MYT1L: variants seen among roughly 807,000 people sequenced by gnomAD.
MYT1L encodes the protein myelin transcription factor 1 like.
A neutral mutation model predicts 126.7 loss-of-function variants in MYT1L; 12 were observed. The ratio of observed to expected loss-of-function variants is 0.09; its 90% CI spans 0.06 to 0.15. The LOEUF (loss-of-function observed/expected upper bound fraction) is 0.15. Ranked by LOEUF, MYT1L falls within the 10% of genes least tolerant of loss-of-function variation. MYT1L has a pLI of 1.00. For missense variants in MYT1L, 979 were observed against 1,585.2 expected, an observed-to-expected ratio of 0.62 and a Z score of 6.49; for synonymous variants, 541 against 604.2, an observed-to-expected ratio of 0.90 and a Z score of 1.53.
chr2:2,275,051 G>C (rs1057128756), intron 2 of MYT1L, among the ~76,000 whole-genome samples: 1 of 152,188 alleles, frequency 6.6e-6, no homozygotes, highest in Non-Finnish European at 1.5e-5. Flanking sequence ...TAGAGTCAGC[G>C]GGAGCCAGTG....
chr2:2,048,434 T>C (rs1175217188), intron 4 of MYT1L, among the ~76,000 whole-genome samples: 1 of 152,174 alleles, frequency 6.6e-6, no homozygotes, highest in Admixed American at 6.5e-5. Flanking sequence ...AATTCTCTTG[T>C]GGAAAATCCA....
rs549425028 is a variant in MYT1L, at chr2:2,301,626, C to T, written c.-520-17123G>A. 4.0e-4 allele frequency among the ~76,000 whole-genome samples: 60 copies of T among 151,864 alleles called. No individual in the cohort carries two copies. In the Middle Eastern group the frequency reaches 0.01, roughly 26 times the overall value. On this transcript the variant is annotated intron_variant, in intron 1 of 24. Transcript: ENST00000647738. ...GTAGGATCACTTGAGGCCAGGAGTT[C>T]GAGACCAGCCTGGGCATTATAGTGA... is the stretch of plus-strand genomic sequence containing the variant.
intron 8 of MYT1L, among the ~76,000 whole-genome samples, chr2:1,945,143 G>A (rs1410357175): frequency 6.6e-6 from 1 of 152,208 alleles, no homozygotes; most frequent in African/African-American, 2.4e-5. Context: ...GGAGGTGGAG[G>A]TCAGAGTGGA....
At chr2:2,165,070 G>T (rs1259922823) in intron 3 of MYT1L, among the ~76,000 whole-genome samples, 1 of 152,182 alleles carries the variant, frequency 6.6e-6, no homozygotes, top group Non-Finnish European at 1.5e-5. Flanking sequence ...CTGCTGGAAG[G>T]GGGGCCTGCG....
Position 1,889,925 on chromosome 2 carries a change from T to A in MYT1L, c.2284-448A>T, listed in dbSNP as rs2048640071. Among the ~76,000 whole-genome samples the A allele has an allele frequency of 6.6e-6, 1 of 152,234 alleles. No homozygotes were observed. Among genetic ancestry groups the A allele is most frequent in the Non-Finnish European group, 1.5e-5 (1 of 68,040 alleles). ...GCATATACATGTATGTGCATGTGTG[T>A]GTGTGTATAAACACACATATATCAG... On this transcript the variant is annotated intron_variant, in intron 15 of 24. Coordinates refer to ENST00000647738, the MANE Select transcript of MYT1L (RefSeq NM_001303052.2). This position sits in a 1 kb window ranked among gnomAD's most constrained non-coding sequence, Gnocchi z 4.1.
chr2:1,982,778 A>C (rs1267338874), intron 5 of MYT1L, among the ~76,000 whole-genome samples: 2 of 152,086 alleles, frequency 1.3e-5, no homozygotes, highest in Non-Finnish European at 2.9e-5. Flanking sequence ...GGCCAGTCAC[A>C]CTCAGTCATC....
chr2:2,240,914 A>G (rs914338350), intron 2 of MYT1L, among the ~76,000 whole-genome samples: 3 of 152,190 alleles, frequency 2.0e-5, no homozygotes, highest in Admixed American at 6.5e-5. Flanking sequence ...CAGAACCACA[A>G]TCAGAATAAT....
Position 2,317,019 on chromosome 2 carries a change from G to A in MYT1L, c.-521+13948C>T, listed in dbSNP as rs185095381. ...TTTTTAATAGAGACGGAGTTTAACC[G>A]TGTTAGCCAGGATGGCCTCCATCTC... On this transcript the variant is annotated intron_variant, in intron 1 of 24. Transcript: ENST00000647738. Among the ~76,000 whole-genome samples the A allele has an allele frequency of 4.1e-3, 613 of 151,122 alleles. 3 individuals are homozygous for A. Among genetic ancestry groups the A allele is most frequent in the Middle Eastern group, 6.8e-3 (2 of 294 alleles).
At chr2:1,903,811 C>G (rs2050661489) in intron 13 of MYT1L, among the ~76,000 whole-genome samples, 1 of 152,032 alleles carries the variant, frequency 6.6e-6, no homozygotes, top group African/African-American at 2.4e-5. Context: ...TGTACCTTGT[C>G]AAGTACTAGA....
At chr2:1,902,850 G>C in intron 14 of MYT1L, 1 of 544,688 alleles carries the variant, frequency 1.8e-6, no homozygotes, top group Non-Finnish European at 3.3e-6. Flanking sequence ...GCGCTGTCTC[G>C]GAATTATTGA....
intron 11 of MYT1L, among the ~76,000 whole-genome samples, chr2:1,914,580 A>G (rs1238635388): frequency 6.6e-6 from 1 of 152,046 alleles, no homozygotes; most frequent in Non-Finnish European, 1.5e-5. Context: ...CACCTTCCCA[A>G]ACCCTGCAGA....
At chr2:2,120,886 G>A (rs576543348) in intron 3 of MYT1L, among the ~76,000 whole-genome samples, 3 of 151,832 alleles carry the variant, frequency 2.0e-5, no homozygotes, top group South Asian at 2.1e-4. Flanking sequence ...CATTGAGTGC[G>A]CACTGTGTGG....
At chr2:1,855,661 G>C (rs1362891810) in intron 18 of MYT1L, among the ~76,000 whole-genome samples, 1 of 152,096 alleles carries the variant, frequency 6.6e-6, no homozygotes, top group East Asian at 1.9e-4. Flanking sequence ...TAAAACGCTT[G>C]GTTATATATA....
At chr2:1,877,754 C>A (rs916190939) in intron 18 of MYT1L, among the ~76,000 whole-genome samples, 8 of 149,518 alleles carry the variant, frequency 5.4e-5, no homozygotes, top group African/African-American at 2.0e-4. Context: ...GCTCTGAGAC[C>A]AAAAATTGCC....
intron 2 of MYT1L, among the ~76,000 whole-genome samples, chr2:2,179,979 G>C (rs2148620455): frequency 6.6e-6 from 1 of 152,288 alleles, no homozygotes; most frequent in Non-Finnish European, 1.5e-5. Flanking sequence ...AATGATCAAT[G>C]AGGTCATCCT....
intron 3 of MYT1L, among the ~76,000 whole-genome samples, chr2:2,145,060 T>C (rs2084668054): frequency 6.6e-6 from 1 of 152,344 alleles, no homozygotes; most frequent in East Asian, 1.9e-4. Context: ...TGTGCGTGAA[T>C]GCACAAAAAC....
At chr2:1,964,202 T>C (rs2059162242) in intron 8 of MYT1L, among the ~76,000 whole-genome samples, 1 of 152,176 alleles carries the variant, frequency 6.6e-6, no homozygotes, top group South Asian at 2.1e-4. Context: ...GGCAGAGCAG[T>C]TGGAACACAC....
chr2:2,143,284 C>A (rs1316847655), intron 3 of MYT1L, among the ~76,000 whole-genome samples: 1 of 142,338 alleles, frequency 7.0e-6, no homozygotes. Context: ...AGCGAGACTC[C>A]GTCTCAAAAA....
chr2:2,029,425 T>A (rs2065983168), intron 4 of MYT1L, among the ~76,000 whole-genome samples: 1 of 152,186 alleles, frequency 6.6e-6, no homozygotes, highest in South Asian at 2.1e-4. Flanking sequence ...GCAAGAGAGC[T>A]TGTGCAGGGG....
Sources: allele counts gnomAD v4.1 joint callset (sites outside exome capture counted in the v4.1 genomes callset), GRCh38; gene constraint gnomAD v4.1.1; non-coding constraint Gnocchi (gnomAD v3.1); transcripts MANE v1.5; gene names NCBI Gene and HGNC (gene_info 2026-07-23, HGNC 2026-07-21).